TEAD1: variants seen among roughly 807,000 people sequenced by gnomAD.
TEAD1 encodes TEA domain transcription factor 1, also known as transcriptional enhancer factor TEF-1.
TEAD1 carries 9 observed loss-of-function variants against 54.9 expected under a neutral mutation model. The observed-to-expected ratio is 0.16, with a 90% CI of 0.10 to 0.29. The LOEUF is 0.29. Among genes scored for constraint, TEAD1 ranks in the 10% least tolerant of loss-of-function variants. The pLI is 1.00. For synonymous variants in TEAD1, 200 were observed against 187.8 expected, an observed-to-expected ratio of 1.07 and a Z score of -0.53; for missense variants, 387 against 535.9, an observed-to-expected ratio of 0.72 and a Z score of 2.74.
chr11:12,910,333 G>A (rs1005937401), intron 10 of TEAD1, among the ~76,000 whole-genome samples: 5 of 152,214 alleles, frequency 3.3e-5, no homozygotes, highest in Admixed American at 6.5e-5. Flanking sequence ...AGGGGCCTCA[G>A]AATTCTATTT....
intron 3 of TEAD1, among the ~76,000 whole-genome samples, chr11:12,781,645 TAAAA>T (rs57397259): frequency 0.035 from 5,043 of 143,174 alleles, 287 homozygotes; most frequent in African/African-American, 0.12. Context: ...TGGCTATCAT[TAAAA>T]AAAAAAAAAC....
chr11:12,750,946 G>A (rs553933692), intron 2 of TEAD1, among the ~76,000 whole-genome samples: 2 of 152,212 alleles, frequency 1.3e-5, no homozygotes, highest in South Asian at 2.1e-4. Context: ...CATTATTTCC[G>A]GCAACCATTC....
intron 4 of TEAD1, among the ~76,000 whole-genome samples, chr11:12,864,489 G>A (rs747522024): frequency 1.3e-5 from 2 of 152,158 alleles, no homozygotes; most frequent in Non-Finnish European, 2.9e-5. Flanking sequence ...TTAGAGCAGC[G>A]CTGGGGGCTT....
chr11:12,827,537 C>G lies in TEAD1; in HGVS notation c.203-34713C>G, dbSNP rs183275957. Among the ~76,000 whole-genome samples, 31 of 152,260 alleles carry G rather than the reference C, an allele frequency of 2.0e-4. No individual in the cohort carries two copies. In the East Asian group the frequency reaches 4.2e-3, roughly 21 times the overall value. ...AAGACCCAGATAAGTTAATGACTTG[C>G]TAAAAATGATACAGCTCTTGAGAGA... On this transcript the variant is annotated intron_variant, in intron 3 of 12. Coordinates refer to ENST00000527636, the MANE Select transcript of TEAD1 (RefSeq NM_021961.6).
At chr11:12,924,737 G>A (rs763326593) in intron 10 of TEAD1, among the ~76,000 whole-genome samples, 175 bp from the exon 11 acceptor site, 7 of 152,048 alleles carry the variant, frequency 4.6e-5, no homozygotes, top group Non-Finnish European at 8.8e-5. Flanking sequence ...GCCCAAATTA[G>A]CAAACTCTTT....
At chr11:12,711,033 T>C (rs1045786744) in intron 2 of TEAD1, among the ~76,000 whole-genome samples, 1 of 152,172 alleles carries the variant, frequency 6.6e-6, no homozygotes, top group Non-Finnish European at 1.5e-5. Context: ...GTACTGTGAA[T>C]ACCATGTTTA....
intron 3 of TEAD1, among the ~76,000 whole-genome samples, chr11:12,789,983 ATCTATCACTCGT>A (rs377190977): frequency 3.2e-4 from 49 of 152,334 alleles, no homozygotes; most frequent in African/African-American, 1.1e-3. Flanking sequence ...TGCTATTTAA[ATCTATCACTCGT>A]TGGTGACAGC....
intron 2 of TEAD1, among the ~76,000 whole-genome samples, chr11:12,684,881 T>C (rs1230490943): frequency 6.6e-6 from 1 of 152,230 alleles, no homozygotes. Context: ...CTTTAGCCAG[T>C]GTATTTGCAT....
chr11:12,715,115 T>C (rs1310209450), intron 2 of TEAD1, among the ~76,000 whole-genome samples: 14 of 152,126 alleles, frequency 9.2e-5, no homozygotes, highest in Non-Finnish European at 2.1e-4. Context: ...GAGCATACCA[T>C]GGGGTCGGGG....
intron 9 of TEAD1, 126 bp downstream of exon 9, chr11:12,883,251 G>A (rs781094712): frequency 2.1e-5 from 31 of 1,469,354 alleles, no homozygotes; most frequent in South Asian, 3.4e-5. Flanking sequence ...GTGTGAAAAC[G>A]GGCCTAGGAA....
chr11:12,924,996 G>A lies in TEAD1; in HGVS notation c.958G>A (p.Val320Ile). 6.2e-7 allele frequency: 1 copy of A among 1,614,208 alleles called. No individual in the cohort carries two copies. The highest frequency in any genetic ancestry group is 1.1e-5 in the South Asian group (1 of 91,088). ...GTACGAGAGTTCTGAAAATATGACA[G>A]TCACCTGTTCCACCAAAGTTTGCTC... is the stretch of plus-strand genomic sequence containing the variant. Residue 320 changes from valine (V) to isoleucine (I), a missense_variant, in exon 11 of 13, where the codon GTC becomes ATC. Val to Ile is a conservative substitution (Grantham distance 29). Coordinates refer to ENST00000527636, the MANE Select transcript of TEAD1 (RefSeq NM_021961.6).
At chr11:12,807,575 A>G (rs1482698262) in intron 3 of TEAD1, among the ~76,000 whole-genome samples, 1 of 152,218 alleles carries the variant, frequency 6.6e-6, no homozygotes, top group Non-Finnish European at 1.5e-5. Context: ...TGAAAAGTAT[A>G]GGTAAAGGGG....
chr11:12,841,193 G>C (rs1947032575), intron 3 of TEAD1, among the ~76,000 whole-genome samples: 1 of 152,174 alleles, frequency 6.6e-6, no homozygotes, highest in African/African-American at 2.4e-5. Flanking sequence ...AGCCTCTGTG[G>C]CTCTGCCTCT....
intron 3 of TEAD1, among the ~76,000 whole-genome samples, chr11:12,765,202 C>T (rs578022172): frequency 1.1e-4 from 17 of 152,270 alleles, no homozygotes; most frequent in South Asian, 4.2e-4. Context: ...ATCCACCTGC[C>T]GGTCTGGGGC....
chr11:12,675,212 G>A (rs574685326), intron 1 of TEAD1, among the ~76,000 whole-genome samples, 197 bp from the exon 2 acceptor site: 2 of 151,336 alleles, frequency 1.3e-5, no homozygotes, highest in East Asian at 2.0e-4. Context: ...CCAGAAGTTC[G>A]GAGCGAGCGC....
At chr11:12,765,387 TA>T (rs963978156) in intron 3 of TEAD1, among the ~76,000 whole-genome samples, 2 of 152,204 alleles carry the variant, frequency 1.3e-5, no homozygotes, top group African/African-American at 4.8e-5. Flanking sequence ...TAGCTGAGTC[TA>T]AAAAGATGCA....
rs116536702 is a variant in TEAD1 at position 12,860,386 on chromosome 11, A to C, written c.203-1864A>C. ...CCTAGGGGTACTTTCTAGCCCCCAGATTTCATGATTCCTTTGCCTTCCAGT... is the reference window on the plus strand; with the variant it reads ...CCTAGGGGTACTTTCTAGCCCCCAGCTTTCATGATTCCTTTGCCTTCCAGT... On this transcript the variant is annotated intron_variant, in intron 3 of 12. Coordinates refer to ENST00000527636, the MANE Select transcript of TEAD1 (RefSeq NM_021961.6). Among the ~76,000 whole-genome samples the C allele has an allele frequency of 5.9e-3, 905 of 152,310 alleles. 9 individuals are homozygous for C. The highest frequency in any genetic ancestry group is 0.021 in the African/African-American group (856 of 41,564).
chr11:12,776,500 G>A (rs34571609), intron 3 of TEAD1, among the ~76,000 whole-genome samples: 14,044 of 152,052 alleles, frequency 0.092, 2,194 homozygotes, highest in African/African-American at 0.32. Flanking sequence ...TTGTATTTGT[G>A]CTGCCTTTGG....
intron 2 of TEAD1, among the ~76,000 whole-genome samples, chr11:12,751,949 TAAA>T (rs1203732415): frequency 6.6e-6 from 1 of 152,156 alleles, no homozygotes; most frequent in Non-Finnish European, 1.5e-5. Context: ...GACCACGAGG[TAAA>T]AAACACATTG....
Sources: allele counts gnomAD v4.1 joint callset (sites outside exome capture counted in the v4.1 genomes callset), GRCh38; gene constraint gnomAD v4.1.1; transcripts MANE v1.5; gene names NCBI Gene and HGNC (gene_info 2026-07-23, HGNC 2026-07-21).